Variants in ABAT observed in about 807,000 individuals in gnomAD.
ABAT encodes 4-aminobutyrate aminotransferase, also known as 4-aminobutyrate aminotransferase, mitochondrial.
Under a neutral mutation model 64.6 loss-of-function variants are expected in ABAT, and 45 were observed. The ratio of observed to expected loss-of-function variants is 0.70; its 90% CI spans 0.55 to 0.89. The LOEUF (loss-of-function observed/expected upper bound fraction) is 0.89, where lower values mean the gene tolerates loss of function less well. Ranked by LOEUF, ABAT falls within the 40% of genes least tolerant of loss-of-function variation. The pLI, the probability that ABAT is intolerant of heterozygous loss-of-function variation, is 0.00. For missense variants in ABAT, 633 were observed against 658.4 expected (o/e 0.96, Z 0.42); for synonymous variants, 297 against 250.5 (o/e 1.19, Z -1.75).
At chr16:8,760,130 T>C (rs8046201) in intron 6 of ABAT, 115,558 of 152,148 alleles carry the variant, frequency 0.76, 44,005 homozygotes, top group East Asian at 0.82. Flanking sequence ...TTCTGTTAGA[T>C]ACGAAGCTTG....
At position 8,710,774 on chromosome 16, in the gene ABAT, T is replaced by C. The variant is rs1253926862; in HGVS notation, c.-41-24925T>C. Among the ~76,000 whole-genome samples the C allele has an allele frequency of 2.0e-5, 3 of 147,970 alleles. No homozygotes were observed. The East Asian group carries it at 6.3e-4, about 31-fold the overall frequency. The stretch of plus-strand genomic sequence containing the variant: ...AGCACCTTCACATCTGAGCAGGAAC[T>C]AGAACTAGGCCTTCTTGTACCAACC... On this transcript the variant is annotated intron_variant, in intron 1 of 15. Coordinates refer to ENST00000268251, the MANE Select transcript of ABAT (RefSeq NM_020686.6).
intron 1 of ABAT, among the ~76,000 whole-genome samples, chr16:8,695,224 G>A (rs1449058336): frequency 6.6e-6 from 1 of 152,214 alleles, no homozygotes; most frequent in African/African-American, 2.4e-5. Context: ...AAAGTGCTGA[G>A]TCTACAAGAC....
intron 1 of ABAT, chr16:8,714,918 C>T (rs570201513): frequency 1.6e-4 from 24 of 152,672 alleles, no homozygotes; most frequent in Non-Finnish European, 3.4e-4. Flanking sequence ...ATCCCCCTTC[C>T]CCTACCCTGG....
intron 3 of ABAT, 152 bp from the exon 4 acceptor site, chr16:8,747,956 C>G (rs1167111728): frequency 5.9e-6 from 4 of 677,972 alleles, no homozygotes; most frequent in Admixed American, 5.5e-5. Context: ...CTATTTATAT[C>G]AAGTAATTTT....
At chr16:8,707,969 T>C (rs959799266) in intron 1 of ABAT, among the ~76,000 whole-genome samples, 2 of 152,176 alleles carry the variant, frequency 1.3e-5, no homozygotes, top group African/African-American at 2.4e-5. Context: ...AGAATCTCTC[T>C]AGTACTTGCA....
intron 1 of ABAT, chr16:8,722,815 A>C (rs1238602579): frequency 7.8e-7 from 1 of 1,289,162 alleles, no homozygotes. Context: ...GGTAGAATCA[A>C]AGAGGGATAT....
Position 8,764,886 on chromosome 16 carries a change from C to G in ABAT, c.540+56C>G. 1 of 1,450,808 alleles carries G rather than the reference C, an allele frequency of 6.9e-7. No homozygotes were observed. Among genetic ancestry groups the G allele is most frequent in the Non-Finnish European group, 9.7e-7 (1 of 1,032,794 alleles). 89.9% of individuals were successfully genotyped at this position (1,450,808 alleles called of 1,614,324 possible). A position where few individuals can be genotyped will look rare whatever the true frequency, so the allele number is the denominator to read the frequency against. ...ACACAGGCTCCCCAGCACCCAGCCACACGCTCACCCCTTGTCTGACTGTTC... is the reference window on the plus strand; with the variant it reads ...ACACAGGCTCCCCAGCACCCAGCCAGACGCTCACCCCTTGTCTGACTGTTC... On this transcript the variant is annotated intron_variant, in intron 8 of 15. Transcript: ENST00000268251. The surrounding 1 kb of genome is among the most constrained non-coding windows in gnomAD (Gnocchi z 4.2).
At chr16:8,679,798 C>G (rs1338642617) in intron 1 of ABAT, among the ~76,000 whole-genome samples, 1 of 152,098 alleles carries the variant, frequency 6.6e-6, no homozygotes, top group Non-Finnish European at 1.5e-5. Flanking sequence ...TCACTTTGCC[C>G]TCTGATCCAC....
intron 1 of ABAT, among the ~76,000 whole-genome samples, chr16:8,723,876 T>G (rs2058456577): frequency 7.7e-6 from 1 of 130,288 alleles, no homozygotes; most frequent in Non-Finnish European, 1.6e-5. Flanking sequence ...AGTCTTGCTC[T>G]GTCGCCCAGG....
intron 8 of ABAT, among the ~76,000 whole-genome samples, chr16:8,765,275 G>T (rs1245705580): frequency 1.3e-5 from 2 of 151,740 alleles, no homozygotes; most frequent in Admixed American, 1.3e-4. Flanking sequence ...GGTCAAGGCT[G>T]CAGTGAGCCA....
rs768032745 is a variant in ABAT at position 8,753,092 on chromosome 16, C to CTT, written c.316+2572_316+2573dup. Among the ~76,000 whole-genome samples the CTT allele has an allele frequency of 2.0e-4, 25 of 127,528 alleles. No homozygotes were observed. In the East Asian group the frequency reaches 2.1e-3, roughly 11 times the overall value. The allele number at this position is 127,528 out of a possible 152,430, so 83.7% of individuals were successfully genotyped here. ...CAACTCTCTGCCTCCCAAGCTTATT[C>CTT]TTTTTTTTTTTTTTTTTTTTAGACG... On this transcript the variant is annotated intron_variant, in intron 5 of 15. Transcript: ENST00000268251.
At chr16:8,729,048 T>C (rs2058640771) in intron 1 of ABAT, among the ~76,000 whole-genome samples, 1 of 152,074 alleles carries the variant, frequency 6.6e-6, no homozygotes, top group African/African-American at 2.4e-5. Context: ...GGCTCACGCC[T>C]GTAATCTCAG....
intron 1 of ABAT, among the ~76,000 whole-genome samples, chr16:8,721,265 C>T (rs1198869484): frequency 6.6e-6 from 1 of 152,146 alleles, no homozygotes; most frequent in Non-Finnish European, 1.5e-5. Flanking sequence ...CCTCCACAGG[C>T]TTTTTTCTCC....
At chr16:8,674,943 C>G (rs1301293490) in intron 1 of ABAT, among the ~76,000 whole-genome samples, 2 of 152,132 alleles carry the variant, frequency 1.3e-5, no homozygotes, top group Non-Finnish European at 2.9e-5. Flanking sequence ...GGCTCCAGCT[C>G]TAGACAGAAG....
intron 1 of ABAT, among the ~76,000 whole-genome samples, chr16:8,710,226 T>G (rs1196884050): frequency 6.6e-6 from 1 of 152,212 alleles, no homozygotes; most frequent in Non-Finnish European, 1.5e-5. Flanking sequence ...AGCTCAGTCC[T>G]AGGCACAAAA....
intron 1 of ABAT, among the ~76,000 whole-genome samples, chr16:8,725,580 G>A (rs998549382): frequency 6.6e-6 from 1 of 152,132 alleles, no homozygotes; most frequent in African/African-American, 2.4e-5. Flanking sequence ...ATAATATTTC[G>A]TTGTAAGGAT....
chr16:8,780,723 A>G (rs2060408310), intron 15 of ABAT: 2 of 182,644 alleles, frequency 1.1e-5, no homozygotes, highest in Non-Finnish European at 2.3e-5. Context: ...CTGGGTTGCC[A>G]CTGCACCCCA....
intron 1 of ABAT, among the ~76,000 whole-genome samples, chr16:8,733,127 ACC>A (rs1202977957): frequency 1.2e-5 from 1 of 85,280 alleles, no homozygotes; most frequent in African/African-American, 4.9e-5. Flanking sequence ...CGGGGGGCTG[ACC>A]CCCCCCCACC....
chr16:8,772,909 G>T lies in ABAT; in HGVS notation c.946G>T (p.Ala316Ser), dbSNP rs779820787. 1.2e-6 allele frequency: 2 copies of T among 1,613,582 alleles called. No individual in the cohort carries two copies. Among genetic ancestry groups the T allele is most frequent in the Admixed American group, 1.7e-5 (1 of 59,972 alleles). ...CTTCTTTCGGAAGCTGAGAGACATC[G>T]CCAGGAAGGTCAGTGGACAGGGCCG... is the stretch of plus-strand genomic sequence containing the variant. The part of the protein sequence containing the change: ...DDFFRKLRDI[A>S]RKHGCAFLVD... The change falls in exon 12 of 16, where the codon GCC becomes TCC. Residue 316 changes from alanine (A) to serine (S), a missense_variant. Coordinates refer to ENST00000268251, the MANE Select transcript of ABAT (RefSeq NM_020686.6).
Sources: gnomAD v4.1 joint callset for allele counts (sites outside exome capture counted in the v4.1 genomes callset) on GRCh38, gnomAD v4.1.1 for gene constraint, Gnocchi (gnomAD v3.1) non-coding constraint, MANE v1.5 for transcripts, NCBI Gene and HGNC (gene_info 2026-07-23, HGNC 2026-07-21) for gene names.